Variants in NELL1 observed in about 807,000 individuals in gnomAD.
NELL1 encodes protein kinase C-binding protein NELL1.
NELL1 carries 76 observed loss-of-function variants against 107.4 expected under a neutral mutation model. The observed-to-expected ratio is 0.71, with a 90% CI of 0.59 to 0.86. The LOEUF (loss-of-function observed/expected upper bound fraction) is 0.86, where lower values mean the gene tolerates loss of function less well. NELL1 is among the 40% of genes least tolerant of loss of function. The probability of loss-of-function intolerance (pLI) is 0.00; values close to 1 mark genes in which losing one functional copy is unlikely to be tolerated. For synonymous variants in NELL1, 353 were observed against 341.2 expected (o/e 1.03, Z -0.38); for missense variants, 1,024 against 1,005.5 (o/e 1.02, Z -0.25).
At chr11:21,517,146 T>G (rs1855586883) in intron 15 of NELL1, among the ~76,000 whole-genome samples, 1 of 151,030 alleles carries the variant, frequency 6.6e-6, no homozygotes. Context: ...TGTTAAGTAT[T>G]TGTCCTATTA....
At chr11:20,710,781 C>T (rs574345209) in intron 2 of NELL1, among the ~76,000 whole-genome samples, 34 of 151,604 alleles carry the variant, frequency 2.2e-4, no homozygotes, top group Admixed American at 2.0e-3. Flanking sequence ...GGATTTTATC[C>T]ATCTCCTCTA....
intron 2 of NELL1, among the ~76,000 whole-genome samples, chr11:20,742,841 C>G (rs1192774764): frequency 1.3e-5 from 2 of 152,166 alleles, no homozygotes; most frequent in Admixed American, 1.3e-4. Context: ...CTTGATATCC[C>G]TAACCCATAG....
At chr11:21,398,168 A>G (rs979042650) in intron 15 of NELL1, among the ~76,000 whole-genome samples, 5 of 151,676 alleles carry the variant, frequency 3.3e-5, no homozygotes, top group Non-Finnish European at 7.4e-5. Context: ...ACTAGTGAAA[A>G]TAAAGGACTT....
intron 2 of NELL1, among the ~76,000 whole-genome samples, chr11:20,725,581 C>T (rs1393955335): frequency 6.6e-6 from 1 of 152,110 alleles, no homozygotes; most frequent in Non-Finnish European, 1.5e-5. Context: ...ACATACTTAC[C>T]TTTTAAGCCC....
At chr11:21,421,060 C>T (rs1215258707) in intron 15 of NELL1, among the ~76,000 whole-genome samples, 1 of 151,892 alleles carries the variant, frequency 6.6e-6, no homozygotes, top group Non-Finnish European at 1.5e-5. Context: ...AGGAAAAGGC[C>T]GTAGTATTTG....
At chr11:20,834,221 T>C (rs1017449251) in intron 3 of NELL1, among the ~76,000 whole-genome samples, 6 of 152,178 alleles carry the variant, frequency 3.9e-5, no homozygotes, top group Non-Finnish European at 5.9e-5. Flanking sequence ...GTAGATACTT[T>C]GGAACAGAAG....
intron 15 of NELL1, among the ~76,000 whole-genome samples, chr11:21,433,830 C>A (rs7107280): frequency 0.029 from 4,431 of 152,128 alleles, 225 homozygotes; most frequent in African/African-American, 0.099. Context: ...CATGGGCCAC[C>A]ATGCCCAGCT....
At chr11:21,232,710 G>A (rs1284365658) in intron 14 of NELL1, among the ~76,000 whole-genome samples, 2 of 152,158 alleles carry the variant, frequency 1.3e-5, no homozygotes, top group Non-Finnish European at 1.5e-5. Flanking sequence ...CTGGAGTGCA[G>A]TGGCTTGATC....
chr11:20,699,971 A>C (rs185290615), intron 2 of NELL1, among the ~76,000 whole-genome samples: 2 of 152,162 alleles, frequency 1.3e-5, no homozygotes, highest in Admixed American at 6.5e-5. Flanking sequence ...AACTATGGCC[A>C]TTCTTGCAGG....
chr11:20,969,224 A>G (rs1425528395), intron 12 of NELL1, among the ~76,000 whole-genome samples: 1 of 151,894 alleles, frequency 6.6e-6, no homozygotes, highest in East Asian at 1.9e-4. Flanking sequence ...GTATCATCTC[A>G]TTTGGATTTA....
chr11:20,699,383 T>C (rs1435895211), intron 2 of NELL1, among the ~76,000 whole-genome samples: 2 of 151,946 alleles, frequency 1.3e-5, no homozygotes, highest in East Asian at 3.9e-4. Context: ...TTTTTTGAGA[T>C]GGAGTCTCGC....
chr11:21,437,752 A>G (rs1564893338), intron 15 of NELL1, among the ~76,000 whole-genome samples: 2 of 152,284 alleles, frequency 1.3e-5, no homozygotes, highest in Non-Finnish European at 2.9e-5. Flanking sequence ...TTTGTATGGT[A>G]TATCTCTTTC....
chr11:20,767,796 G>C (rs1326572726), intron 2 of NELL1, among the ~76,000 whole-genome samples: 5 of 152,164 alleles, frequency 3.3e-5, no homozygotes, highest in Non-Finnish European at 5.9e-5. Context: ...GCACTGTTCT[G>C]AGTGTTAAGG....
chr11:20,948,062 A>G (rs1850999750), intron 11 of NELL1, among the ~76,000 whole-genome samples: 1 of 151,980 alleles, frequency 6.6e-6, no homozygotes, highest in Non-Finnish European at 1.5e-5. Context: ...ATTAGTTTAG[A>G]GTTAGAGTCT....
chr11:21,535,447 C>T (rs1236157588), intron 16 of NELL1, among the ~76,000 whole-genome samples: 1 of 152,086 alleles, frequency 6.6e-6, no homozygotes, highest in African/African-American at 2.4e-5. Flanking sequence ...TTTCTAAAGG[C>T]TGCTGCTGAG....
At chr11:20,846,063 T>C (rs939013256) in intron 3 of NELL1, among the ~76,000 whole-genome samples, 35 of 152,334 alleles carry the variant, frequency 2.3e-4, no homozygotes, top group African/African-American at 8.2e-4. Context: ...GCATTTCCTT[T>C]TGTGCAGTCT....
intron 3 of NELL1, among the ~76,000 whole-genome samples, chr11:20,836,060 A>C (rs900794181): frequency 6.6e-6 from 1 of 152,154 alleles, no homozygotes; most frequent in Non-Finnish European, 1.5e-5. Flanking sequence ...AACATATATA[A>C]GAACAATTGA....
chr11:20,972,030 C>T (rs4922694), intron 12 of NELL1, among the ~76,000 whole-genome samples: 42,581 of 109,042 alleles, frequency 0.39, 6,911 homozygotes, highest in East Asian at 0.56. Context: ...TGCTGGGGAG[C>T]GGGGTGGGGG....
intron 15 of NELL1, among the ~76,000 whole-genome samples, chr11:21,530,771 GT>G (rs1214700242): frequency 4.6e-5 from 7 of 151,992 alleles, no homozygotes; most frequent in Non-Finnish European, 1.0e-4. Flanking sequence ...TTTTTCTTTA[GT>G]TTTATGAATT....
Sources: gnomAD v4.1 joint callset for allele counts (sites outside exome capture counted in the v4.1 genomes callset) on GRCh38, gnomAD v4.1.1 for gene constraint, MANE v1.5 for transcripts, NCBI Gene and HGNC (gene_info 2026-07-23, HGNC 2026-07-21) for gene names.